Variants in VWA8 observed in about 807,000 individuals in gnomAD.
VWA8 encodes von Willebrand factor A domain-containing protein 8.
VWA8 carries 221 observed loss-of-function variants against 241.5 expected under a neutral mutation model. The ratio of observed to expected loss-of-function variants is 0.91; its 90% CI spans 0.82 to 1.02. The LOEUF is 1.02. Among genes scored for constraint, VWA8 ranks in the 50% least tolerant of loss-of-function variants. The pLI is 0.00. For missense variants in VWA8, 2,322 were observed against 2,328.7 expected (o/e 1.00, Z 0.06); for synonymous variants, 852 against 827.1 (o/e 1.03, Z -0.52).
intron 19 of VWA8, among the ~76,000 whole-genome samples, chr13:41,780,737 A>G (rs536456210): frequency 1.3e-5 from 2 of 152,286 alleles, no homozygotes; most frequent in Admixed American, 6.5e-5. Context: ...AATTCCTTAA[A>G]TGACTCCTAA....
At position 41,816,701 on chromosome 13, in the gene VWA8, T is replaced by C. The variant is rs1302521486; in HGVS notation, c.1944A>G (p.Pro648=). 2 of 1,613,284 alleles carry C rather than the reference T, an allele frequency of 1.2e-6. No homozygotes were observed. Among genetic ancestry groups the C allele is most frequent in the African/African-American group, 1.3e-5 (1 of 74,902 alleles). ...FTHKLRETQD[P]TAQSLAASLS... ...TGTGGAAAAAGCCTAGACTTACCGT[T>C]GGATCCTGTGTTTCTCTGAGTTTGT... The change falls in exon 16 of 45, where the codon CCA becomes CCG. Residue 648 remains proline, a synonymous_variant. Transcript: ENST00000379310.
chr13:41,914,046 A>G (rs1475820954), intron 2 of VWA8, among the ~76,000 whole-genome samples: 1 of 152,252 alleles, frequency 6.6e-6, no homozygotes, highest in Non-Finnish European at 1.5e-5. Flanking sequence ...GTTCAAGACC[A>G]GCCTGGCCCA....
chr13:41,912,802 G>A (rs1470323340), intron 2 of VWA8, among the ~76,000 whole-genome samples: 2 of 152,046 alleles, frequency 1.3e-5, no homozygotes. Context: ...CCCATGCAAC[G>A]CCCTTCCAGG....
At position 41,961,108 on chromosome 13, in the gene VWA8, G is replaced by A. The variant is rs879648834; in HGVS notation, c.-93C>T. ...GTGAGGCAGCGCGGAGAAGGGGACA[G>A]GAAGCGGCACCTAGCCGAGTCCGCC... On this transcript the variant is annotated 5_prime_UTR_variant, in exon 1 of 45. Transcript: ENST00000379310. The A allele has an allele frequency of 3.3e-6, 4 of 1,224,474 alleles. No individual in the cohort carries two copies. The highest frequency in any genetic ancestry group is 3.2e-5 in the East Asian group (1 of 31,336). 75.9% of individuals were successfully genotyped at this position (1,224,474 alleles called of 1,614,324 possible). A position where few individuals can be genotyped will look rare whatever the true frequency, so the allele number is the denominator to read the frequency against.
chr13:41,832,020 T>C (rs562370535), intron 13 of VWA8, among the ~76,000 whole-genome samples: 1 of 151,390 alleles, frequency 6.6e-6, no homozygotes, highest in Admixed American at 6.6e-5. Context: ...AACCTCCACC[T>C]CCCGGGTTCA....
At chr13:41,796,897 T>C (rs571839587) in intron 17 of VWA8, among the ~76,000 whole-genome samples, 2 of 152,318 alleles carry the variant, frequency 1.3e-5, no homozygotes, top group East Asian at 1.9e-4. Context: ...TCTTTTGATG[T>C]CTGATTTAAA....
In VWA8 at chr13:41,615,047, G is replaced by C; in HGVS notation, c.4649C>G (p.Ser1550Cys). 1 of 1,613,922 alleles carries C rather than the reference G, an allele frequency of 6.2e-7. No individual in the cohort carries two copies. Among genetic ancestry groups the C allele is most frequent in the South Asian group, 1.1e-5 (1 of 91,074 alleles). Residue 1550 changes from serine (S) to cysteine (C), a missense_variant, in exon 38 of 45, where the codon TCC becomes TGC. Transcript: ENST00000379310. Reference protein sequence around the residue: ...INRDSGEDVSSPKHGKEDPDN... With the variant: ...INRDSGEDVSCPKHGKEDPDN... Reference sequence around the variant, plus strand: ...TGGGTCCTCCTTCCCGTGTTTGGGGGAGCTTACATCTTCACCACTGTCTCT... The same window carrying C: ...TGGGTCCTCCTTCCCGTGTTTGGGGCAGCTTACATCTTCACCACTGTCTCT...
intron 43 of VWA8, among the ~76,000 whole-genome samples, chr13:41,574,788 G>C (rs1039214336): frequency 6.6e-6 from 1 of 152,154 alleles, no homozygotes; most frequent in Non-Finnish European, 1.5e-5. Context: ...GTGGTGAAAA[G>C]GGAACATTTA....
chr13:41,773,295 C>T (rs1868417178), intron 20 of VWA8, among the ~76,000 whole-genome samples: 1 of 152,118 alleles, frequency 6.6e-6, no homozygotes, highest in Admixed American at 6.5e-5. Context: ...CTTTGATTGT[C>T]TTGTTTCAGA....
intron 20 of VWA8, among the ~76,000 whole-genome samples, chr13:41,773,597 C>A (rs530087646): frequency 6.6e-6 from 1 of 152,146 alleles, no homozygotes; most frequent in African/African-American, 2.4e-5. Flanking sequence ...CTCGTACCCA[C>A]CAAACAGAAG....
chr13:41,570,338 G>T, intron 44 of VWA8, 130 bp downstream of exon 44: 1 of 755,968 alleles, frequency 1.3e-6, no homozygotes, highest in Non-Finnish European at 2.2e-6. Flanking sequence ...CTTGAGGCTA[G>T]TAACTTTAGT....
rs1375811648 is a variant in VWA8, at chr13:41,872,004, G to C, written c.1081-3527C>G. Among the ~76,000 whole-genome samples the C allele has an allele frequency of 7.9e-5, 12 of 152,268 alleles. No individual in the cohort carries two copies. In the East Asian group the frequency reaches 2.3e-3, roughly 29 times the overall value. On this transcript the variant is annotated intron_variant, in intron 9 of 44. Coordinates refer to ENST00000379310, the MANE Select transcript of VWA8 (RefSeq NM_015058.2). ...CTTTTTAATGATTGCCATTCTAACT[G>C]GTGTGAGATGGTATCTCATTGTGGT... is the stretch of plus-strand genomic sequence containing the variant.
chr13:41,668,409 T>C (rs1437916123), intron 37 of VWA8, among the ~76,000 whole-genome samples: 1 of 152,172 alleles, frequency 6.6e-6, no homozygotes, highest in African/African-American at 2.4e-5. Flanking sequence ...AAGTGTTAAG[T>C]AAGCAGGGTA....
chr13:41,690,237 T>C lies in VWA8; in HGVS notation c.3905A>G (p.Glu1302Gly), dbSNP rs759327870. The change falls in exon 33 of 45, where the codon GAG becomes GGG. Residue 1302 changes from glutamate (E) to glycine (G), a missense_variant. Glu to Gly is a moderately conservative substitution (Grantham distance 98). Coordinates refer to ENST00000379310, the MANE Select transcript of VWA8 (RefSeq NM_015058.2). ...ATACAACTGGCAAACCCCACTACCC[T>C]CAGATTCGATGTGTGCAGGCTTAGT... ...LLTKPAHIES[E>G]GSGVCQLYVL... The C allele has an allele frequency of 1.2e-6, 2 of 1,612,602 alleles. No homozygotes were observed. Among genetic ancestry groups the C allele is most frequent in the Non-Finnish European group, 1.7e-6 (2 of 1,179,002 alleles).
At chr13:41,919,571 G>T (rs760068105) in intron 2 of VWA8, among the ~76,000 whole-genome samples, 1 of 152,054 alleles carries the variant, frequency 6.6e-6, no homozygotes, top group Non-Finnish European at 1.5e-5. Context: ...CTACCTGGTA[G>T]CCCCCAATCC....
chr13:41,663,629 G>A (rs2044966910), intron 37 of VWA8, among the ~76,000 whole-genome samples: 1 of 151,688 alleles, frequency 6.6e-6, no homozygotes, highest in African/African-American at 2.4e-5. Context: ...TATTATGAAA[G>A]GTAAGGATTA....
rs11841141 is a variant in VWA8, at chr13:41,793,584, C to T, written c.2064-6041G>A. 3.4e-3 allele frequency among the ~76,000 whole-genome samples: 513 copies of T among 152,148 alleles called. 1 individual carries two copies. The highest frequency in any genetic ancestry group is 0.011 in the African/African-American group (446 of 41,524). On this transcript the variant is annotated intron_variant, in intron 17 of 44. Coordinates refer to ENST00000379310, the MANE Select transcript of VWA8 (RefSeq NM_015058.2). The stretch of plus-strand genomic sequence containing the variant: ...ATCCCAGCACTTTGGGAGGACAAGG[C>T]GGGTGGATCACGAGGTCAAGAGATC...
At chr13:41,743,626 G>C (rs537731066) in intron 21 of VWA8, among the ~76,000 whole-genome samples, 5 of 152,244 alleles carry the variant, frequency 3.3e-5, no homozygotes, top group African/African-American at 1.2e-4. Context: ...AAACATATCA[G>C]CGTTTGAGTT....
chr13:41,829,567 A>G (rs939100926), intron 14 of VWA8, among the ~76,000 whole-genome samples: 12 of 77,646 alleles, frequency 1.5e-4, no homozygotes, highest in Non-Finnish European at 3.5e-4. Context: ...ACACACACAC[A>G]TGCACACACA....
Sources: allele counts gnomAD v4.1 joint callset (sites outside exome capture counted in the v4.1 genomes callset), GRCh38; gene constraint gnomAD v4.1.1; transcripts MANE v1.5; gene names NCBI Gene and HGNC (gene_info 2026-07-23, HGNC 2026-07-21).